The following KPNA6 variants were observed in gnomAD, a reference collection of about 807,000 sequenced individuals.
KPNA6 encodes the protein karyopherin subunit alpha 6.
A neutral mutation model predicts 72.0 loss-of-function variants in KPNA6; 9 were observed. The observed-to-expected ratio is 0.13, with a 90% CI of 0.08 to 0.22. KPNA6 has a LOEUF of 0.22. Among genes scored for constraint, KPNA6 ranks in the 10% least tolerant of loss-of-function variants. KPNA6 has a pLI of 1.00. For synonymous variants in KPNA6, 219 were observed against 242.1 expected, an observed-to-expected ratio of 0.90 and a Z score of 0.89; for missense variants, 374 against 655.7, an observed-to-expected ratio of 0.57 and a Z score of 4.69.
intron 1 of KPNA6, among the ~76,000 whole-genome samples, chr1:32,146,898 T>C (rs1199176094): frequency 6.6e-6 from 1 of 152,132 alleles, no homozygotes; most frequent in African/African-American, 2.4e-5. Flanking sequence ...CTTGCTTTGT[T>C]GCCCAGGCTG....
chr1:32,124,507 CTT>C (rs562731872), intron 1 of KPNA6, among the ~76,000 whole-genome samples: 63 of 131,534 alleles, frequency 4.8e-4, no homozygotes, highest in Admixed American at 1.0e-3. Flanking sequence ...GAGGCCTCAT[CTT>C]TTTTTTTTTT....
intron 1 of KPNA6, among the ~76,000 whole-genome samples, chr1:32,127,026 C>G (rs541046334): frequency 1.3e-5 from 2 of 152,256 alleles, no homozygotes; most frequent in Admixed American, 1.3e-4. Flanking sequence ...ACCATTGATT[C>G]AGCATTTAGG....
At chr1:32,134,181 C>T (rs1641693502) in intron 1 of KPNA6, among the ~76,000 whole-genome samples, 2 of 151,146 alleles carry the variant, frequency 1.3e-5, no homozygotes, top group Admixed American at 1.3e-4. Flanking sequence ...TGCTTGAACC[C>T]AGGAGGCGGA....
chr1:32,175,804 AT>A lies in KPNA6; in HGVS notation c.*4911del, dbSNP rs1425598075. 18 of 135,144 alleles carry A rather than the reference AT, an allele frequency of 1.3e-4. No homozygotes were observed. The East Asian group carries it at 3.7e-3, about 28-fold the overall frequency. 8.4% of individuals were successfully genotyped at this position (135,144 alleles called of 1,614,324 possible). A position where few individuals can be genotyped will look rare whatever the true frequency, so the allele number is the denominator to read the frequency against. On this transcript the variant is annotated 3_prime_UTR_variant, in exon 14 of 14. Transcript: ENST00000373625. ...TCTCAAAAAAAAAAAAAAAAAAAAA[AT>A]CCACATCTTCAGCTGGGCGCGGTGG...
At chr1:32,161,122 A>G (rs1226452421) in intron 7 of KPNA6, among the ~76,000 whole-genome samples, 1 of 151,910 alleles carries the variant, frequency 6.6e-6, no homozygotes, top group African/African-American at 2.4e-5. Context: ...TGATCACACC[A>G]CTGCACTTCA....
chr1:32,143,131 C>G (rs1305241055), intron 1 of KPNA6: 1 of 584,834 alleles, frequency 1.7e-6, no homozygotes, highest in Non-Finnish European at 2.9e-6. Context: ...GGTGCAGACA[C>G]AGCTCACTTG....
At chr1:32,154,436 T>A (rs1316217895) in intron 1 of KPNA6, 152 bp from the exon 2 acceptor site, 3 of 566,990 alleles carry the variant, frequency 5.3e-6, no homozygotes, top group Admixed American at 4.0e-5. Flanking sequence ...GGCTGGGGGG[T>A]GGGTAGAGAT....
intron 1 of KPNA6, among the ~76,000 whole-genome samples, chr1:32,147,217 C>G (rs550283789): frequency 6.6e-6 from 1 of 152,134 alleles, no homozygotes; most frequent in South Asian, 2.1e-4. Flanking sequence ...ATAATTCTCC[C>G]TCATTTTTGA....
At chr1:32,163,090 C>T (rs190398895) in intron 9 of KPNA6, 145 bp from the exon 10 acceptor site, 49 of 610,714 alleles carry the variant, frequency 8.0e-5, no homozygotes, top group African/African-American at 6.2e-4. Flanking sequence ...GGCGACAGAG[C>T]GAGACTCTGT....
In KPNA6 at chr1:32,133,400, G is replaced by A. The variant is rs538273994; in HGVS notation, c.5-21188G>A. Reference sequence around the variant, plus strand: ...GTAGGATAACAAAGTGCTGAAAGAGGCCAGGTGCAGTGGTTCATACCTGTA... The same window carrying A: ...GTAGGATAACAAAGTGCTGAAAGAGACCAGGTGCAGTGGTTCATACCTGTA... On this transcript the variant is annotated intron_variant, in intron 1 of 13. Coordinates refer to ENST00000373625, the MANE Select transcript of KPNA6 (RefSeq NM_012316.5). Among the ~76,000 whole-genome samples the A allele has an allele frequency of 5.3e-5, 8 of 151,096 alleles. No homozygotes were observed. The South Asian group carries it at 1.0e-3, about 20-fold the overall frequency.
At chr1:32,155,493 G>A (rs1334343825) in intron 2 of KPNA6, among the ~76,000 whole-genome samples, 2 of 150,702 alleles carry the variant, frequency 1.3e-5, no homozygotes, top group Admixed American at 1.3e-4. Context: ...AATTAACTTT[G>A]TATATTTTTG....
At chr1:32,149,443 C>T (rs1641990500) in intron 1 of KPNA6, among the ~76,000 whole-genome samples, 1 of 152,090 alleles carries the variant, frequency 6.6e-6, no homozygotes, top group Non-Finnish European at 1.5e-5. Flanking sequence ...CCAGGATGGT[C>T]TCTAACTCCT....
At chr1:32,142,241 G>A (rs2124017428) in intron 1 of KPNA6, among the ~76,000 whole-genome samples, 1 of 134,002 alleles carries the variant, frequency 7.5e-6, no homozygotes, top group African/African-American at 2.8e-5. Flanking sequence ...GGGTGACAGA[G>A]CGAGACCCTG....
intron 13 of KPNA6, 44 bp downstream of exon 13, chr1:32,170,104 G>A (rs1038258148): frequency 6.4e-7 from 1 of 1,556,382 alleles, no homozygotes; most frequent in Non-Finnish European, 8.8e-7. Flanking sequence ...TGAGACTGTA[G>A]GCCTCCAACG....
chr1:32,168,623 A>G (rs1216581432), intron 12 of KPNA6, among the ~76,000 whole-genome samples: 2 of 152,228 alleles, frequency 1.3e-5, no homozygotes, highest in Non-Finnish European at 2.9e-5. Context: ...GAAAAGAGAT[A>G]GCTGTTGAGT....
At chr1:32,116,229 C>A (rs552529363) in intron 1 of KPNA6, among the ~76,000 whole-genome samples, 2 of 149,872 alleles carry the variant, frequency 1.3e-5, no homozygotes, top group African/African-American at 4.9e-5. Context: ...GTGCAGTGGC[C>A]CTATCTTGGC....
In KPNA6 at chr1:32,173,949, C is replaced by T. The variant is rs183048678; in HGVS notation, c.*3055C>T. ...TTTTCTTGGCTAATGTTTTCCAATA[C>T]TTTTTTGAATGGTGCCAGCCCCTCC... On this transcript the variant is annotated 3_prime_UTR_variant, in exon 14 of 14. Coordinates refer to ENST00000373625, the MANE Select transcript of KPNA6 (RefSeq NM_012316.5). The T allele has an allele frequency of 6.6e-6, 1 of 152,576 alleles. No homozygotes were observed. Among genetic ancestry groups the T allele is most frequent in the East Asian group, 1.9e-4 (1 of 5,194 alleles). 9.5% of individuals were successfully genotyped at this position (152,576 alleles called of 1,614,324 possible). A position where few individuals can be genotyped will look rare whatever the true frequency, so the allele number is the denominator to read the frequency against.
intron 1 of KPNA6, among the ~76,000 whole-genome samples, chr1:32,137,692 G>C (rs1237158573): frequency 6.6e-6 from 1 of 152,192 alleles, no homozygotes; most frequent in Non-Finnish European, 1.5e-5. Flanking sequence ...AGAAGTGAGA[G>C]GTGATGAGGG....
At chr1:32,132,087 C>T (rs1297565998) in intron 1 of KPNA6, among the ~76,000 whole-genome samples, 1 of 151,928 alleles carries the variant, frequency 6.6e-6, no homozygotes, top group Non-Finnish European at 1.5e-5. Flanking sequence ...TCTCCTGCCT[C>T]AGCCTCCCAA....
Sources: gnomAD v4.1 joint callset for allele counts (sites outside exome capture counted in the v4.1 genomes callset) on GRCh38, gnomAD v4.1.1 for gene constraint, MANE v1.5 for transcripts, NCBI Gene and HGNC (gene_info 2026-07-23, HGNC 2026-07-21) for gene names.